OLFML1: variants seen among roughly 807,000 people sequenced by gnomAD.
OLFML1 encodes olfactomedin like 1.
OLFML1 carries 33 observed loss-of-function variants against 37.3 expected under a neutral mutation model. The ratio of observed to expected loss-of-function variants is 0.88; its 90% confidence interval spans 0.67 to 1.18. OLFML1 has a LOEUF of 1.18. OLFML1 is among the 50% of genes most tolerant of loss of function. The probability of loss-of-function intolerance (pLI) is 0.00; values close to 1 mark genes in which losing one functional copy is unlikely to be tolerated. For missense variants in OLFML1, 545 were observed against 483.7 expected (o/e 1.13, Z -1.19); for synonymous variants, 186 against 181.3 (o/e 1.03, Z -0.21).
At chr11:7,501,493 T>A (rs1848725364) in intron 2 of OLFML1, among the ~76,000 whole-genome samples, 1 of 152,336 alleles carries the variant, frequency 6.6e-6, no homozygotes, top group South Asian at 2.1e-4. Flanking sequence ...GCTGAGAGAC[T>A]TCTACAGCTT....
At chr11:7,502,271 A>T (rs1314757332) in intron 2 of OLFML1, among the ~76,000 whole-genome samples, 1 of 152,240 alleles carries the variant, frequency 6.6e-6, no homozygotes, top group African/African-American at 2.4e-5. Flanking sequence ...AAGGGGAGAA[A>T]GGTAGCAGGG....
At chr11:7,508,840 G>A (rs528036387) in intron 2 of OLFML1, among the ~76,000 whole-genome samples, 1 of 152,262 alleles carries the variant, frequency 6.6e-6, no homozygotes, top group Non-Finnish European at 1.5e-5. Flanking sequence ...TAAGTACACA[G>A]TACAATAAAA....
At chr11:7,501,462 G>T (rs1848725168) in intron 2 of OLFML1, among the ~76,000 whole-genome samples, 1 of 152,338 alleles carries the variant, frequency 6.6e-6, no homozygotes, top group Admixed American at 6.5e-5. Flanking sequence ...TGTCAGCAGG[G>T]GAGCATGGGG....
intron 2 of OLFML1, among the ~76,000 whole-genome samples, chr11:7,507,948 T>C (rs1411028233): frequency 6.6e-6 from 1 of 152,244 alleles, no homozygotes; most frequent in Non-Finnish European, 1.5e-5. Flanking sequence ...ATATTGTGAA[T>C]GTTATCTGGT....
At chr11:7,486,760 C>G (rs952748322) in intron 1 of OLFML1, among the ~76,000 whole-genome samples, 1 of 152,134 alleles carries the variant, frequency 6.6e-6, no homozygotes, top group Non-Finnish European at 1.5e-5. Context: ...AATTATTTAT[C>G]TTCTTTCAAA....
At chr11:7,499,081 C>T (rs1458800247) in intron 2 of OLFML1, among the ~76,000 whole-genome samples, 1 of 152,184 alleles carries the variant, frequency 6.6e-6, no homozygotes, top group African/African-American at 2.4e-5. Context: ...GAGAGTGTTG[C>T]TATTAAATCA....
rs148356665 is a variant in OLFML1, at chr11:7,508,024, G to C, written c.419-1374G>C. On this transcript the variant is annotated intron_variant, in intron 2 of 2. Coordinates refer to ENST00000329293, the MANE Select transcript of OLFML1 (RefSeq NM_198474.4). Reference sequence around the variant, plus strand: ...CTGAAGTAATGCATTACAGCTGGAAGAAAGAGCCCTGTGGCTTTGTTCTTA... The same window carrying C: ...CTGAAGTAATGCATTACAGCTGGAACAAAGAGCCCTGTGGCTTTGTTCTTA... Among the ~76,000 whole-genome samples the C allele has an allele frequency of 9.5e-4, 144 of 152,346 alleles. 1 individual carries two copies. Among genetic ancestry groups the C allele is most frequent in the African/African-American group, 3.2e-3 (135 of 41,580 alleles).
intron 2 of OLFML1, among the ~76,000 whole-genome samples, chr11:7,499,292 C>A (rs901480805): frequency 2.0e-5 from 3 of 152,182 alleles, no homozygotes; most frequent in Non-Finnish European, 2.9e-5. Flanking sequence ...GGAAACCTTG[C>A]ATGTCATTGC....
At chr11:7,497,471 A>G in intron 2 of OLFML1, among the ~76,000 whole-genome samples, 1 of 152,200 alleles carries the variant, frequency 6.6e-6, no homozygotes, top group East Asian at 1.9e-4. Flanking sequence ...CCTCTTCCAG[A>G]AGGAGGCACT....
Position 7,509,892 on chromosome 11 carries a change from G to A in OLFML1, c.913G>A (p.Glu305Lys). The A allele has an allele frequency of 6.2e-7, 1 of 1,614,248 alleles. No homozygotes were observed. Among genetic ancestry groups the A allele is most frequent in the South Asian group, 1.1e-5 (1 of 91,086 alleles). Residue 305 changes from glutamate to lysine, a missense_variant, in exon 3 of 3, where the codon GAG becomes AAG. Glu to Lys is a moderately conservative substitution (Grantham distance 56). Transcript: ENST00000329293. The stretch of plus-strand genomic sequence containing the variant: ...GATTGAGCCGGGCACACTGGGAGTG[G>A]AGCATTCATGGGATACCCCATGCAG... ...TKIEPGTLGV[E>K]HSWDTPCRSQ...
At chr11:7,506,111 A>T (rs1848783251) in intron 2 of OLFML1, among the ~76,000 whole-genome samples, 1 of 152,200 alleles carries the variant, frequency 6.6e-6, no homozygotes, top group Admixed American at 6.5e-5. Flanking sequence ...TCTGTAGGAG[A>T]AGCTGGCTAT....
intron 2 of OLFML1, among the ~76,000 whole-genome samples, chr11:7,506,340 G>A (rs1848785443): frequency 6.6e-6 from 1 of 152,226 alleles, no homozygotes; most frequent in Non-Finnish European, 1.5e-5. Context: ...GTCTTGGACA[G>A]GAGAAATGAC....
At chr11:7,500,100 G>T (rs560732610) in intron 2 of OLFML1, among the ~76,000 whole-genome samples, 1 of 151,978 alleles carries the variant, frequency 6.6e-6, no homozygotes, top group Admixed American at 6.6e-5. Flanking sequence ...ACTATGTTGC[G>T]CACATTGGTC....
At chr11:7,506,083 A>C (rs1291283459) in intron 2 of OLFML1, among the ~76,000 whole-genome samples, 1 of 152,238 alleles carries the variant, frequency 6.6e-6, no homozygotes, top group Non-Finnish European at 1.5e-5. Flanking sequence ...GAAGATGTAG[A>C]TACAGAGTAT....
At chr11:7,506,953 T>C (rs1400923839) in intron 2 of OLFML1, among the ~76,000 whole-genome samples, 2 of 152,120 alleles carry the variant, frequency 1.3e-5, no homozygotes, top group Non-Finnish European at 2.9e-5. Flanking sequence ...ACGGAATAGT[T>C]GTGGGGAATG....
rs139037184 is a variant in OLFML1, at chr11:7,488,217, T to C, written c.220T>C (p.Cys74Arg). The change falls in exon 2 of 3, where the codon TGT becomes CGT. Residue 74 changes from cysteine (C) to arginine (R), a missense_variant. Transcript: ENST00000329293. ...SKNISVMLGR[C>R]QTYTSEYKSA... ...AAATATATCTGTCATGCTGGGAAGA[T>C]GTCAGACCTACACAAGTGAGTACAA... 2 of 1,613,822 alleles carry C rather than the reference T, an allele frequency of 1.2e-6. No individual in the cohort carries two copies. The highest frequency in any genetic ancestry group is 1.7e-6 in the Non-Finnish European group (2 of 1,179,908).
chr11:7,507,523 A>G (rs1485330099), intron 2 of OLFML1, among the ~76,000 whole-genome samples: 1 of 150,404 alleles, frequency 6.6e-6, no homozygotes, highest in Non-Finnish European at 1.5e-5. Context: ...AAGGTTGCTG[A>G]CCCTTGTGCG....
In OLFML1 at chr11:7,510,209, G is replaced by C. The variant is rs751953367; in HGVS notation, c.*21G>C. Reference sequence around the variant, plus strand: ...AGTAATGCATTACAGCTGTGAGAAAGAGCACTGTGGCTTTGGCAGCTGTTC... The same window carrying C: ...AGTAATGCATTACAGCTGTGAGAAACAGCACTGTGGCTTTGGCAGCTGTTC... On this transcript the variant is annotated 3_prime_UTR_variant, in exon 3 of 3. Transcript: ENST00000329293. 2.2e-5 allele frequency: 35 copies of C among 1,578,208 alleles called. No homozygotes were observed. Among genetic ancestry groups the C allele is most frequent in the Non-Finnish European group, 3.0e-5 (35 of 1,167,568 alleles).
At chr11:7,501,115 C>T (rs963562024) in intron 2 of OLFML1, among the ~76,000 whole-genome samples, 13 of 152,130 alleles carry the variant, frequency 8.5e-5, no homozygotes, top group South Asian at 2.1e-4. Context: ...AACCCTTACT[C>T]GTCCTCTATG....
Sources: allele counts gnomAD v4.1 joint callset (sites outside exome capture counted in the v4.1 genomes callset), GRCh38; gene constraint gnomAD v4.1.1; transcripts MANE v1.5; gene names NCBI Gene and HGNC (gene_info 2026-07-23, HGNC 2026-07-21).